TMEM236: variants seen among roughly 807,000 people sequenced by gnomAD.
TMEM236 encodes the protein transmembrane protein 236.
Under a neutral mutation model 14.7 loss-of-function variants are expected in TMEM236, and 11 were observed. The observed-to-expected ratio is 0.75, with a 90% CI of 0.47 to 1.24. The LOEUF (loss-of-function observed/expected upper bound fraction) is 1.24. Ranked by LOEUF, TMEM236 falls within the 50% of genes most tolerant of loss-of-function variation. The pLI is 0.00. For missense variants in TMEM236, 464 were observed against 427.3 expected, an observed-to-expected ratio of 1.09 and a Z score of -0.76; for synonymous variants, 182 against 168.6, an observed-to-expected ratio of 1.08 and a Z score of -0.62.
intron 1 of TMEM236, among the ~76,000 whole-genome samples, chr10:17,755,284 A>G (rs1313516800): frequency 2.0e-5 from 3 of 152,110 alleles, no homozygotes; most frequent in African/African-American, 7.2e-5. Flanking sequence ...GACATAGAAC[A>G]CATGTGAAAA....
At chr10:17,765,308 GACCCTCCCAA>G (rs1440724434) in intron 1 of TMEM236, among the ~76,000 whole-genome samples, 1 of 152,044 alleles carries the variant, frequency 6.6e-6, no homozygotes, top group African/African-American at 2.4e-5. Flanking sequence ...TTCACTCTCT[GACCCTCCCAA>G]AATTCATGTT....
At chr10:17,774,969 T>G (rs1837636391) in intron 2 of TMEM236, among the ~76,000 whole-genome samples, 1 of 152,012 alleles carries the variant, frequency 6.6e-6, no homozygotes, top group Non-Finnish European at 1.5e-5. Context: ...GGCTAATTTT[T>G]TTTGTATTTT....
chr10:17,788,621 T>A (rs1837874837), intron 3 of TMEM236, among the ~76,000 whole-genome samples: 1 of 151,540 alleles, frequency 6.6e-6, no homozygotes, highest in Admixed American at 6.6e-5. Context: ...AGTTAAAAAA[T>A]TTTAAACCAC....
intron 3 of TMEM236, among the ~76,000 whole-genome samples, chr10:17,782,598 T>C (rs1837771212): frequency 6.6e-6 from 1 of 152,058 alleles, no homozygotes; most frequent in African/African-American, 2.4e-5. Context: ...ACTACAGCCG[T>C]GCACCACCAC....
intron 1 of TMEM236, among the ~76,000 whole-genome samples, chr10:17,760,899 C>T (rs1837351831): frequency 6.6e-6 from 1 of 152,132 alleles, no homozygotes; most frequent in African/African-American, 2.4e-5. Flanking sequence ...AGGAAAGACC[C>T]GCCCCCATTA....
intron 3 of TMEM236, among the ~76,000 whole-genome samples, chr10:17,788,871 C>T (rs959880711): frequency 3.4e-4 from 52 of 152,272 alleles, no homozygotes; most frequent in African/African-American, 1.0e-3. Context: ...GAGCTGATGA[C>T]GGGTTGAATA....
At position 17,799,748 on chromosome 10, in the gene TMEM236, G is replaced by A. The variant is rs1366207236; in HGVS notation, c.*3244G>A. 1.3e-5 allele frequency: 2 copies of A among 152,526 alleles called. No homozygotes were observed. Among genetic ancestry groups the A allele is most frequent in the African/African-American group, 4.8e-5 (2 of 41,412 alleles). 9.4% of individuals were successfully genotyped at this position (152,526 alleles called of 1,614,324 possible). On this transcript the variant is annotated 3_prime_UTR_variant, in exon 4 of 4. Transcript: ENST00000377495. ...ATCTCCATATTAGAACTTAGCAACA[G>A]TGCTCAGATAAACTCAAAAGTATTA... is the stretch of plus-strand genomic sequence containing the variant.
chr10:17,772,388 G>T (rs1272425948), intron 2 of TMEM236, among the ~76,000 whole-genome samples: 3 of 152,138 alleles, frequency 2.0e-5, no homozygotes, highest in Non-Finnish European at 4.4e-5. Context: ...CTGCAACAGG[G>T]AATATTTCAA....
At chr10:17,795,760 A>C (rs2131770319) in intron 3 of TMEM236, among the ~76,000 whole-genome samples, 161 bp from the exon 4 acceptor site, 1 of 152,352 alleles carries the variant, frequency 6.6e-6, no homozygotes, top group South Asian at 2.1e-4. Flanking sequence ...CATGTCCTGC[A>C]CATGTATCCT....
chr10:17,752,270 T>C lies in TMEM236; in HGVS notation c.-26T>C, dbSNP rs1697716662. The C allele has an allele frequency of 1.2e-6, 2 of 1,613,898 alleles. No individual in the cohort carries two copies. The highest frequency in any genetic ancestry group is 2.7e-5 in the African/African-American group (2 of 75,030). ...CCACAGTCAAAGAGGGAGTCCCAGG[T>C]TCTTGGCAGCTTGCTTTTCCTCAGG... On this transcript the variant is annotated 5_prime_UTR_variant, in exon 1 of 4. Coordinates refer to ENST00000377495, the MANE Select transcript of TMEM236 (RefSeq NM_001098844.3).
chr10:17,792,152 A>G (rs1295556090), intron 3 of TMEM236, among the ~76,000 whole-genome samples: 1 of 152,068 alleles, frequency 6.6e-6, no homozygotes, highest in Non-Finnish European at 1.5e-5. Flanking sequence ...CAGTGGTGCA[A>G]TCTCGGCTCA....
intron 3 of TMEM236, among the ~76,000 whole-genome samples, chr10:17,779,475 T>C (rs1477987778): frequency 1.3e-5 from 2 of 152,032 alleles, no homozygotes; most frequent in Non-Finnish European, 2.9e-5. Context: ...TCCCATTTAA[T>C]TAATTAGTTA....
At chr10:17,783,314 G>C (rs1202188770) in intron 3 of TMEM236, among the ~76,000 whole-genome samples, 1 of 152,184 alleles carries the variant, frequency 6.6e-6, no homozygotes, top group Non-Finnish European at 1.5e-5. Flanking sequence ...TGTGCGGTGT[G>C]GCAAGAGGGG....
At position 17,755,225 on chromosome 10, in the gene TMEM236, A is replaced by G. The variant is rs961075644; in HGVS notation, c.257+2673A>G. ...CTCGGCCTCCCAAAGTGCTGGGATT[A>G]TAGGCATAAGCCACTGCTCCCGGCC... On this transcript the variant is annotated intron_variant, in intron 1 of 3. Coordinates refer to ENST00000377495, the MANE Select transcript of TMEM236 (RefSeq NM_001098844.3). 4.6e-5 allele frequency among the ~76,000 whole-genome samples: 7 copies of G among 151,880 alleles called. No homozygotes were observed. In the East Asian group the frequency reaches 7.8e-4, roughly 17 times the overall value.
At chr10:17,753,266 GACTTTTA>G (rs1385060934) in intron 1 of TMEM236, among the ~76,000 whole-genome samples, 4 of 152,162 alleles carry the variant, frequency 2.6e-5, no homozygotes, top group East Asian at 3.9e-4. Flanking sequence ...TCTGTTGTTT[GACTTTTA>G]ACTTTTAAGT....
intron 1 of TMEM236, among the ~76,000 whole-genome samples, chr10:17,757,615 G>A (rs1837302294): frequency 6.9e-6 from 1 of 144,274 alleles, no homozygotes; most frequent in African/African-American, 2.6e-5. Flanking sequence ...AAAAAAAAAA[G>A]CTATGTAATG....
In TMEM236 at chr10:17,796,301, C is replaced by T. The variant is rs1347970823; in HGVS notation, c.853C>T (p.Gln285Ter). The T allele has an allele frequency of 6.2e-7, 1 of 1,613,814 alleles. No individual in the cohort carries two copies. Residue 285 changes from glutamine to a stop codon, truncating the protein, a stop_gained, in exon 4 of 4, where the codon CAA becomes TAA. Coordinates refer to ENST00000377495, the MANE Select transcript of TMEM236 (RefSeq NM_001098844.3). LOFTEE classifies it low-confidence loss of function (END_TRUNC). Reference protein sequence around the residue: ...ISLLRITFTPQNPLLNSLSVL... With the variant: ...ISLLRITFTP ...TCTCCTTCGAATTACATTCACTCCC[C>T]AAAACCCTCTTCTCAATTCCCTGAG...
rs979020244 is a variant in TMEM236 at position 17,764,024 on chromosome 10, T to C, written c.258-7285T>C. Reference sequence around the variant, plus strand: ...TGTGGCATGATATGAACTCATTGAGTTGTCGTAAAGAGCTGAGTGTTAATA... The same window carrying C: ...TGTGGCATGATATGAACTCATTGAGCTGTCGTAAAGAGCTGAGTGTTAATA... On this transcript the variant is annotated intron_variant, in intron 1 of 3. Coordinates refer to ENST00000377495, the MANE Select transcript of TMEM236 (RefSeq NM_001098844.3). Among the ~76,000 whole-genome samples the C allele has an allele frequency of 3.5e-3, 527 of 152,262 alleles. 1 individual carries two copies. The highest frequency in any genetic ancestry group is 0.012 in the African/African-American group (498 of 41,546).
At chr10:17,787,414 C>T (rs1006823289) in intron 3 of TMEM236, among the ~76,000 whole-genome samples, 2 of 152,356 alleles carry the variant, frequency 1.3e-5, no homozygotes, top group Admixed American at 1.3e-4. Context: ...GCTTAAGGGG[C>T]TCCCTCCAGG....
Sources: allele counts gnomAD v4.1 joint callset (sites outside exome capture counted in the v4.1 genomes callset), GRCh38; gene constraint gnomAD v4.1.1; transcripts MANE v1.5; gene names NCBI Gene and HGNC (gene_info 2026-07-23, HGNC 2026-07-21).